The following SHISA9 variants were observed in gnomAD, a reference collection of about 807,000 sequenced individuals.
SHISA9 encodes protein shisa-9.
SHISA9 carries 13 observed loss-of-function variants against 38.0 expected under a neutral mutation model. That is an observed-to-expected ratio of 0.34 (90% CI 0.22 to 0.54). The LOEUF (loss-of-function observed/expected upper bound fraction) is 0.54. Ranked by LOEUF, SHISA9 falls within the 20% of genes least tolerant of loss-of-function variation. The probability of loss-of-function intolerance (pLI) is 0.91; values close to 1 mark genes in which losing one functional copy is unlikely to be tolerated. For synonymous variants in SHISA9, 275 were observed against 242.0 expected, an observed-to-expected ratio of 1.14 and a Z score of -1.27; for missense variants, 538 against 575.8, an observed-to-expected ratio of 0.93 and a Z score of 0.67.
chr16:13,441,512 C>T, the SHISA9 span, among the ~76,000 whole-genome samples: 1 of 152,150 alleles, frequency 6.6e-6, no homozygotes, highest in African/African-American at 2.4e-5. Context: ...CAGCCTATCC[C>T]ATGGAACACA....
At chr16:13,177,619 T>A (rs1397993374) in intron 2 of SHISA9, among the ~76,000 whole-genome samples, 1 of 152,138 alleles carries the variant, frequency 6.6e-6, no homozygotes, top group African/African-American at 2.4e-5. Context: ...CTTACTAGAT[T>A]ACTGGCTCCT....
chr16:13,521,401 A>C, the SHISA9 span, among the ~76,000 whole-genome samples: 126,558 of 152,186 alleles, frequency 0.83, 52,770 homozygotes, highest in East Asian at 0.96. Flanking sequence ...TACACATTAC[A>C]ATTTGCGTCT....
chr16:13,492,345 A>G, the SHISA9 span, among the ~76,000 whole-genome samples: 168 of 152,302 alleles, frequency 1.1e-3, no homozygotes, highest in East Asian at 0.028. Context: ...GGTGAGGTTA[A>G]CGGTGTTCTT....
At chr16:13,410,052 A>C in the SHISA9 span, among the ~76,000 whole-genome samples, 1 of 152,232 alleles carries the variant, frequency 6.6e-6, no homozygotes, top group Non-Finnish European at 1.5e-5. Context: ...TATTAGTAGC[A>C]TGGAAGATGG....
the SHISA9 span, among the ~76,000 whole-genome samples, chr16:13,252,234 C>T: frequency 6.6e-6 from 1 of 152,186 alleles, no homozygotes; most frequent in South Asian, 2.1e-4. Flanking sequence ...CTTGCTGTTC[C>T]TCAAATGCCC....
intron 2 of SHISA9, among the ~76,000 whole-genome samples, chr16:12,971,347 G>C (rs929749667): frequency 6.6e-6 from 1 of 152,210 alleles, no homozygotes; most frequent in Non-Finnish European, 1.5e-5. Context: ...TCGGAGCACA[G>C]ATGGGGAAGG....
the SHISA9 span, among the ~76,000 whole-genome samples, chr16:13,446,418 A>G: frequency 6.6e-6 from 1 of 152,196 alleles, no homozygotes; most frequent in Non-Finnish European, 1.5e-5. Flanking sequence ...TCTTGCCCAC[A>G]AGTCACTTGT....
chr16:13,241,073 C>A (rs138751354), downstream of SHISA9, among the ~76,000 whole-genome samples: 485 of 152,272 alleles, frequency 3.2e-3, 6 homozygotes, highest in African/African-American at 0.011. Context: ...AACACACACA[C>A]AGAATCATCC....
intron 2 of SHISA9, among the ~76,000 whole-genome samples, chr16:13,066,964 T>C (rs912184848): frequency 2.0e-5 from 3 of 152,182 alleles, no homozygotes; most frequent in Admixed American, 1.3e-4. Flanking sequence ...TTGGGGAAAG[T>C]ATTTCTACTG....
chr16:13,520,038 C>G, the SHISA9 span, among the ~76,000 whole-genome samples: 4 of 152,062 alleles, frequency 2.6e-5, no homozygotes, highest in African/African-American at 9.7e-5. Context: ...GAAGAAGGCC[C>G]AGAAACTCCA....
At chr16:13,353,716 G>GA in the SHISA9 span, among the ~76,000 whole-genome samples, 5 of 152,166 alleles carry the variant, frequency 3.3e-5, no homozygotes, top group Non-Finnish European at 5.9e-5. Flanking sequence ...TCTGAGAAGG[G>GA]AAAGTGGTAA....
the SHISA9 span, among the ~76,000 whole-genome samples, chr16:13,249,525 T>C: frequency 6.6e-6 from 1 of 152,238 alleles, no homozygotes; most frequent in Non-Finnish European, 1.5e-5. Context: ...ATTGGTACAC[T>C]GAGATGAATC....
chr16:13,287,251 G>A, the SHISA9 span, among the ~76,000 whole-genome samples: 1 of 152,206 alleles, frequency 6.6e-6, no homozygotes, highest in Admixed American at 6.5e-5. Flanking sequence ...GGATGGAAGA[G>A]GCTTTTTAGG....
At chr16:12,959,814 C>A (rs2071885553) in intron 2 of SHISA9, among the ~76,000 whole-genome samples, 1 of 152,212 alleles carries the variant, frequency 6.6e-6, no homozygotes, top group South Asian at 2.1e-4. Context: ...CTCTGCCCTG[C>A]TGCCCTCGCC....
In SHISA9 at chr16:12,970,444, CAT is replaced by C. The variant is rs1287488229; in HGVS notation, c.691+53639_691+53640del. 3.0e-3 allele frequency among the ~76,000 whole-genome samples: 139 copies of C among 46,618 alleles called. 4 individuals are homozygous for C. Among genetic ancestry groups the C allele is most frequent in the East Asian group, 0.022 (48 of 2,206 alleles). 30.6% of individuals were successfully genotyped at this position (46,618 alleles called of 152,430 possible). A position where few individuals can be genotyped will look rare whatever the true frequency, so the allele number is the denominator to read the frequency against. ...ACATATATGTATATATATATACACACATATATATATACATATATGTGTGTGTA... is the reference window on the plus strand; with the variant it reads ...ACATATATGTATATATATATACACACATATATATACATATATGTGTGTGTA... On this transcript the variant is annotated intron_variant, in intron 2 of 4. Coordinates refer to ENST00000558583, the MANE Select transcript of SHISA9 (RefSeq NM_001145204.3).
the SHISA9 span, among the ~76,000 whole-genome samples, chr16:13,548,661 A>G: frequency 6.6e-6 from 1 of 152,228 alleles, no homozygotes; most frequent in Non-Finnish European, 1.5e-5. Context: ...ACAGTGAAGT[A>G]TCACTTCACC....
chr16:13,367,749 C>CA, the SHISA9 span, among the ~76,000 whole-genome samples: 2 of 149,174 alleles, frequency 1.3e-5, no homozygotes, highest in African/African-American at 5.0e-5. Context: ...CACACACACA[C>CA]CCCTGAATTT....
the SHISA9 span, among the ~76,000 whole-genome samples, chr16:13,299,126 T>A: frequency 6.6e-6 from 1 of 152,152 alleles, no homozygotes; most frequent in Non-Finnish European, 1.5e-5. Context: ...TAGATATCCC[T>A]CTCCACTTAT....
intron 2 of SHISA9, among the ~76,000 whole-genome samples, chr16:13,022,995 G>A (rs34309033): frequency 6.7e-6 from 1 of 149,380 alleles, no homozygotes; most frequent in African/African-American, 2.4e-5. Flanking sequence ...GCAAAGACCC[G>A]TTTTTCTTTC....
Sources: allele counts gnomAD v4.1 joint callset (sites outside exome capture counted in the v4.1 genomes callset), GRCh38; gene constraint gnomAD v4.1.1; transcripts MANE v1.5; gene names NCBI Gene and HGNC (gene_info 2026-07-23, HGNC 2026-07-21).